The following NIPAL2 variants were observed in gnomAD, a reference collection of about 807,000 sequenced individuals.
NIPAL2 encodes the protein NIPA-like protein 2.
Under a neutral mutation model 48.9 loss-of-function variants are expected in NIPAL2, and 43 were observed. The observed-to-expected ratio is 0.88, with a 90% confidence interval of 0.69 to 1.13. The LOEUF (loss-of-function observed/expected upper bound fraction) is 1.13, where lower values mean the gene tolerates loss of function less well. Among genes scored for constraint, NIPAL2 ranks in the 50% most tolerant of loss-of-function variants. The pLI is 0.00. For synonymous variants in NIPAL2, 167 were observed against 174.6 expected, an observed-to-expected ratio of 0.96 and a Z score of 0.34; for missense variants, 446 against 461.4, an observed-to-expected ratio of 0.97 and a Z score of 0.31.
At chr8:98,239,213 A>G (rs972260585) in intron 3 of NIPAL2, among the ~76,000 whole-genome samples, 2 of 152,190 alleles carry the variant, frequency 1.3e-5, no homozygotes, top group Non-Finnish European at 2.9e-5. Context: ...TAAACTTGAT[A>G]ATTGGGAAAC....
At chr8:98,215,540 C>T (rs769617905) in intron 5 of NIPAL2, among the ~76,000 whole-genome samples, 10 of 152,152 alleles carry the variant, frequency 6.6e-5, no homozygotes, top group Non-Finnish European at 1.2e-4. Context: ...CTTCCTGTTA[C>T]GAATTCGTTG....
intron 3 of NIPAL2, among the ~76,000 whole-genome samples, chr8:98,236,795 T>A (rs1248808140): frequency 7.6e-6 from 1 of 132,028 alleles, no homozygotes; most frequent in African/African-American, 2.9e-5. Context: ...GAGGCTGCAG[T>A]GAGCCATGAT....
chr8:98,245,622 A>G (rs1400542112), intron 3 of NIPAL2, among the ~76,000 whole-genome samples: 1 of 152,166 alleles, frequency 6.6e-6, no homozygotes, highest in Non-Finnish European at 1.5e-5. Flanking sequence ...AGTTGAAAAG[A>G]CTCCAAAAAA....
rs569257720 is a variant in NIPAL2 at position 98,214,785 on chromosome 8, C to T, written c.559-2284G>A. Among the ~76,000 whole-genome samples the T allele has an allele frequency of 6.8e-4, 103 of 152,232 alleles. 3 individuals carry two copies. In the South Asian group the frequency reaches 0.019, roughly 29 times the overall value. On this transcript the variant is annotated intron_variant, in intron 5 of 10. Coordinates refer to ENST00000430223, the MANE Select transcript of NIPAL2 (RefSeq NM_001321635.2). ...ATGGAAGATGAACTCATCCCTTTGTCTTTTCTTCTCCGGGTAAATTAAACC... is the reference window on the plus strand; with the variant it reads ...ATGGAAGATGAACTCATCCCTTTGTTTTTTCTTCTCCGGGTAAATTAAACC...
intron 1 of NIPAL2, 78 bp downstream of exon 1, chr8:98,293,925 C>CGAGGCGCA: frequency 7.8e-7 from 1 of 1,283,978 alleles, no homozygotes; most frequent in Non-Finnish European, 1.0e-6. Flanking sequence ...GGAAAGCGGC[C>CGAGGCGCA]GAGGCGCAGA....
chr8:98,294,158 CG>C lies in NIPAL2; in HGVS notation c.-22del. On this transcript the variant is annotated 5_prime_UTR_variant, in exon 1 of 11. Transcript: ENST00000430223. ...GCCATGAGGTCTCGCTCCCGGCGCT[CG>C]GGCTCCGGCTCGGGCTGCGGCCGCC... 1 of 1,351,776 alleles carries C rather than the reference CG, an allele frequency of 7.4e-7. No individual in the cohort carries two copies. Among genetic ancestry groups the C allele is most frequent in the South Asian group, 1.9e-5 (1 of 53,930 alleles). 83.7% of individuals were successfully genotyped at this position (1,351,776 alleles called of 1,614,324 possible).
At position 98,190,866 on chromosome 8, in the gene NIPAL2, C is replaced by A. The variant is rs751572679; in HGVS notation, c.*2112G>T. ...GGCTAAAGGTCCTCAACTCACAATG[C>A]CAAGAGAAGGACTGAGTTGGCTTTA... On this transcript the variant is annotated 3_prime_UTR_variant, in exon 11 of 11. Transcript: ENST00000430223. 8 of 152,160 alleles carry A rather than the reference C, an allele frequency of 5.3e-5. No homozygotes were observed. The highest frequency in any genetic ancestry group is 1.9e-4 in the African/African-American group (8 of 41,434). 9.4% of individuals were successfully genotyped at this position (152,160 alleles called of 1,614,324 possible).
At chr8:98,234,706 CCTGT>C (rs1207805389) in intron 4 of NIPAL2, among the ~76,000 whole-genome samples, 1 of 105,538 alleles carries the variant, frequency 9.5e-6, no homozygotes, top group Non-Finnish European at 2.0e-5. Flanking sequence ...TGACACCACA[CCTGT>C]CTATTTTTTT....
chr8:98,206,340 A>T (rs1811034863), intron 6 of NIPAL2, among the ~76,000 whole-genome samples: 1 of 150,998 alleles, frequency 6.6e-6, no homozygotes, highest in African/African-American at 2.4e-5. Flanking sequence ...GTATGTATGT[A>T]TGTATGTATT....
intron 1 of NIPAL2, among the ~76,000 whole-genome samples, chr8:98,274,044 T>C (rs1433491216): frequency 6.6e-6 from 1 of 152,078 alleles, no homozygotes; most frequent in East Asian, 1.9e-4. Context: ...TATTTCTAAT[T>C]TTATTAAATT....
intron 1 of NIPAL2, among the ~76,000 whole-genome samples, chr8:98,256,167 G>A (rs1813878829): frequency 6.6e-6 from 1 of 152,026 alleles, no homozygotes; most frequent in African/African-American, 2.4e-5. Flanking sequence ...GGAACCACAG[G>A]CGTGCACCAC....
intron 1 of NIPAL2, among the ~76,000 whole-genome samples, chr8:98,261,941 C>T (rs1176242907): frequency 2.2e-5 from 1 of 46,044 alleles, no homozygotes; most frequent in Non-Finnish European, 4.3e-5. Flanking sequence ...CGGCAGAAAC[C>T]CTACAAGCCA....
At chr8:98,237,287 A>G (rs112587267) in intron 3 of NIPAL2, among the ~76,000 whole-genome samples, 7,275 of 152,036 alleles carry the variant, frequency 0.048, 553 homozygotes, top group African/African-American at 0.17. Context: ...CCTGGGCTCA[A>G]GTGATCCTCC....
intron 4 of NIPAL2, among the ~76,000 whole-genome samples, chr8:98,235,940 T>C (rs1812687720): frequency 6.6e-6 from 1 of 151,880 alleles, no homozygotes; most frequent in East Asian, 1.9e-4. Flanking sequence ...ATAGCAAAAA[T>C]TGATCACATT....
intron 2 of NIPAL2, 58 bp from the exon 3 acceptor site, chr8:98,252,692 CT>C (rs1223127296): frequency 2.0e-5 from 29 of 1,439,444 alleles, no homozygotes; most frequent in Non-Finnish European, 2.4e-5. Flanking sequence ...GGGAATGCCA[CT>C]TTTTTTCTTT....
Position 98,190,475 on chromosome 8 carries a change from G to A in NIPAL2, c.*2503C>T, listed in dbSNP as rs963643032. On this transcript the variant is annotated 3_prime_UTR_variant, in exon 11 of 11. Coordinates refer to ENST00000430223, the MANE Select transcript of NIPAL2 (RefSeq NM_001321635.2). Reference sequence around the variant, plus strand: ...GTAGCTGGGACTCCAGGCACCCACCGTCATGCCTGGCTAATTTTTGTACTT... The same window carrying A: ...GTAGCTGGGACTCCAGGCACCCACCATCATGCCTGGCTAATTTTTGTACTT... 1.3e-5 allele frequency: 2 copies of A among 152,278 alleles called. No individual in the cohort carries two copies. The highest frequency in any genetic ancestry group is 2.4e-5 in the African/African-American group (1 of 41,398). The allele number at this position is 152,278 out of a possible 1,614,324, so 9.4% of individuals were successfully genotyped here. A position where few individuals can be genotyped will look rare whatever the true frequency, so the allele number is the denominator to read the frequency against.
At chr8:98,232,604 G>T (rs759980681) in intron 4 of NIPAL2, among the ~76,000 whole-genome samples, 2 of 152,088 alleles carry the variant, frequency 1.3e-5, no homozygotes, top group Non-Finnish European at 2.9e-5. Flanking sequence ...TTATTTTAAA[G>T]ATTAGAAAAT....
At chr8:98,266,982 A>G (rs1814805919) in intron 1 of NIPAL2, among the ~76,000 whole-genome samples, 1 of 152,164 alleles carries the variant, frequency 6.6e-6, no homozygotes, top group Non-Finnish European at 1.5e-5. Context: ...TTAAAAAAAA[A>G]AAACTGCCAA....
intron 5 of NIPAL2, 113 bp downstream of exon 5, chr8:98,222,365 AT>A: frequency 8.7e-7 from 1 of 1,155,544 alleles, no homozygotes; most frequent in Non-Finnish European, 1.2e-6. Flanking sequence ...ATACATTTAG[AT>A]TTTAATAAGA....
Sources: gnomAD v4.1 joint callset for allele counts (sites outside exome capture counted in the v4.1 genomes callset) on GRCh38, gnomAD v4.1.1 for gene constraint, MANE v1.5 for transcripts, NCBI Gene and HGNC (gene_info 2026-07-23, HGNC 2026-07-21) for gene names.